MYO9A: variants seen among roughly 807,000 people sequenced by gnomAD.
MYO9A encodes unconventional myosin-IXa.
A neutral mutation model predicts 293.3 loss-of-function variants in MYO9A; 103 were observed. That is an observed-to-expected ratio of 0.35 (90% confidence interval 0.30 to 0.41). The LOEUF is 0.41. MYO9A is among the 10% of genes least tolerant of loss of function. MYO9A has a pLI of 1.00. For missense variants in MYO9A, 2,685 were observed against 3,033.0 expected (o/e 0.89, Z 2.69); for synonymous variants, 1,001 against 1,035.7 (o/e 0.97, Z 0.64).
intron 1 of MYO9A, among the ~76,000 whole-genome samples, chr15:72,070,240 G>A (rs1303271663): frequency 1.3e-5 from 2 of 151,142 alleles, no homozygotes; most frequent in East Asian, 1.9e-4. Context: ...CCACGAGTTC[G>A]AGACCAGCCT....
At chr15:71,946,030 T>A (rs1350340397) in intron 15 of MYO9A, among the ~76,000 whole-genome samples, 1 of 152,208 alleles carries the variant, frequency 6.6e-6, no homozygotes, top group Non-Finnish European at 1.5e-5. Flanking sequence ...CAAGCCAACC[T>A]TTCTCATCCC....
At chr15:71,971,672 G>A (rs534009639) in intron 12 of MYO9A, among the ~76,000 whole-genome samples, 12 of 151,492 alleles carry the variant, frequency 7.9e-5, no homozygotes, top group South Asian at 2.1e-4. Flanking sequence ...TATATAGGAC[G>A]GAACATCATC....
intron 38 of MYO9A, 152 bp from the exon 39 acceptor site, chr15:71,849,120 G>T: frequency 1.3e-6 from 1 of 790,372 alleles, no homozygotes; most frequent in Non-Finnish European, 1.9e-6. Context: ...TTAGAATGGT[G>T]GTTCACAACT....
chr15:71,840,910 C>A (rs534262965), intron 39 of MYO9A, among the ~76,000 whole-genome samples: 1 of 152,204 alleles, frequency 6.6e-6, no homozygotes, highest in African/African-American at 2.4e-5. Context: ...CGATTACAGG[C>A]GTGAGCCGCC....
chr15:72,033,636 G>A (rs115816904), intron 2 of MYO9A, among the ~76,000 whole-genome samples: 1,952 of 152,224 alleles, frequency 0.013, 26 homozygotes, highest in African/African-American at 0.02. Flanking sequence ...CTGGGAATCC[G>A]GGTGGAATTG....
chr15:71,935,132 G>GA (rs1334461504), intron 17 of MYO9A: 1 of 478,484 alleles, frequency 2.1e-6, no homozygotes. Flanking sequence ...ATATGGGGGA[G>GA]AAAAATCAAC....
At chr15:72,015,298 G>A (rs1421371654) in intron 6 of MYO9A, among the ~76,000 whole-genome samples, 2 of 152,150 alleles carry the variant, frequency 1.3e-5, no homozygotes, top group Non-Finnish European at 2.9e-5. Flanking sequence ...ATGGGTTTTG[G>A]CAGTAGGAAT....
chr15:72,069,379 A>G (rs535588377), intron 1 of MYO9A, among the ~76,000 whole-genome samples: 4 of 152,284 alleles, frequency 2.6e-5, no homozygotes, highest in South Asian at 4.1e-4. Context: ...TAGGCTTGTT[A>G]AGGGTAGAAT....
At chr15:71,982,769 T>C (rs1295797406) in intron 11 of MYO9A, among the ~76,000 whole-genome samples, 1 of 152,254 alleles carries the variant, frequency 6.6e-6, no homozygotes, top group Non-Finnish European at 1.5e-5. Flanking sequence ...TCCACTATGA[T>C]GGTAAATATA....
chr15:72,092,006 G>A (rs889570576), intron 1 of MYO9A, among the ~76,000 whole-genome samples: 10 of 152,118 alleles, frequency 6.6e-5, no homozygotes, highest in Non-Finnish European at 2.9e-5. Context: ...GTTAGCCATC[G>A]CGCCCGGCGA....
chr15:72,047,774 C>CTTTTTTTTTTTTTTTTTT (rs11397735), intron 1 of MYO9A, among the ~76,000 whole-genome samples: 2 of 74,390 alleles, frequency 2.7e-5, no homozygotes, highest in Non-Finnish European at 4.6e-5. Context: ...CAGTTACTTC[C>CTTTTTTTTTTTTTTTTTT]TTTTTTTTTT....
chr15:72,069,224 T>C (rs943055375), intron 1 of MYO9A, among the ~76,000 whole-genome samples: 1 of 152,090 alleles, frequency 6.6e-6, no homozygotes, highest in Non-Finnish European at 1.5e-5. Context: ...GACTGGTAAA[T>C]AATAAAAAGA....
chr15:72,115,278 A>T (rs758367741), intron 1 of MYO9A, among the ~76,000 whole-genome samples: 1 of 152,190 alleles, frequency 6.6e-6, no homozygotes, highest in Non-Finnish European at 1.5e-5. Context: ...ATCTACTGCT[A>T]TCAACCCAGA....
At chr15:72,017,054 TGTGTCA>T (rs2077364125) in intron 6 of MYO9A, among the ~76,000 whole-genome samples, 1 of 134,566 alleles carries the variant, frequency 7.4e-6, no homozygotes, top group African/African-American at 2.7e-5. Context: ...AGAGTCTTGC[TGTGTCA>T]CCCACGCTGG....
At chr15:71,876,699 G>C (rs1027512923) in intron 31 of MYO9A, among the ~76,000 whole-genome samples, 1 of 152,062 alleles carries the variant, frequency 6.6e-6, no homozygotes, top group African/African-American at 2.4e-5. Flanking sequence ...CTCCCAAAGT[G>C]CTGGGATTAC....
intron 11 of MYO9A, among the ~76,000 whole-genome samples, chr15:71,990,213 T>A (rs2076504585): frequency 6.6e-6 from 1 of 151,448 alleles, no homozygotes; most frequent in Non-Finnish European, 1.5e-5. Context: ...GTCTCCTGAG[T>A]AGCTGGGACA....
intron 8 of MYO9A, among the ~76,000 whole-genome samples, chr15:72,000,729 G>A (rs1037462864): frequency 2.0e-5 from 3 of 151,990 alleles, no homozygotes; most frequent in East Asian, 1.9e-4. Context: ...AGCCTCGACC[G>A]CCCAGATTCA....
Position 72,045,878 on chromosome 15 carries a change from C to T in MYO9A, c.686G>A (p.Arg229His), listed in dbSNP as rs369020139. The change falls in exon 2 of 42, where the codon CGC becomes CAC. Residue 229 changes from arginine to histidine, a missense_variant. Physicochemically the swap from Arg to His is conservative, Grantham distance 29. Coordinates refer to ENST00000356056, the MANE Select transcript of MYO9A (RefSeq NM_006901.4). ...AATCACGATGCACTGATTCTTTTTG[C>T]GCTGAAGCATGGCATGATAAGCTAC... ...ADVAYHAMLQ[R>H]KKNQCIVISG... The T allele has an allele frequency of 9.3e-6, 15 of 1,614,050 alleles. No homozygotes were observed. Among genetic ancestry groups the T allele is most frequent in the African/African-American group, 4.0e-5 (3 of 74,990 alleles).
intron 1 of MYO9A, among the ~76,000 whole-genome samples, chr15:72,099,506 G>A (rs2080191901): frequency 6.6e-6 from 1 of 150,940 alleles, no homozygotes. Flanking sequence ...GGATCCTGAG[G>A]TGGTAGAATC....
Sources: allele counts gnomAD v4.1 joint callset (sites outside exome capture counted in the v4.1 genomes callset), GRCh38; gene constraint gnomAD v4.1.1; transcripts MANE v1.5; gene names NCBI Gene and HGNC (gene_info 2026-07-23, HGNC 2026-07-21).